Variants in MED28 observed in about 807,000 individuals in gnomAD.
MED28 encodes mediator of RNA polymerase II transcription subunit 28.
In MED28, 26 loss-of-function variants were observed where a neutral mutation model predicts 21.3. The ratio of observed to expected loss-of-function variants is 1.22; its 90% confidence interval spans 0.89 to 1.69. The LOEUF (loss-of-function observed/expected upper bound fraction) is 1.69. Among genes scored for constraint, MED28 ranks in the 40% most tolerant of loss-of-function variants. The pLI is 0.00. For missense variants in MED28, 257 were observed against 215.4 expected (o/e 1.19, Z -1.21); for synonymous variants, 110 against 87.6 (o/e 1.26, Z -1.43).
At position 17,623,990 on chromosome 4, in the gene MED28, T is replaced by G. The variant is rs2108918813; in HGVS notation, c.*192T>G. ...TTTCTTGAGTACTTTATAACATGTC[T>G]GTAGCTTGGATAAACCAAGTAAGTA... On this transcript the variant is annotated 3_prime_UTR_variant, in exon 4 of 4. Transcript: ENST00000237380. 2 of 624,402 alleles carry G rather than the reference T, an allele frequency of 3.2e-6. No individual in the cohort carries two copies. The highest frequency in any genetic ancestry group is 6.1e-5 in the Admixed American group (2 of 33,050). The allele number at this position is 624,402 out of a possible 1,614,324, so 38.7% of individuals were successfully genotyped here.
At chr4:17,619,837 C>T in intron 1 of MED28, 64 bp from the exon 2 acceptor site, 4 of 1,455,892 alleles carry the variant, frequency 2.7e-6, no homozygotes, top group Non-Finnish European at 3.9e-6. Context: ...TTATTTCTTC[C>T]TCTGGAGTAA....
In MED28 at chr4:17,619,930, C is replaced by T. The variant is rs139948101; in HGVS notation, c.189C>T (p.Asp63=). Residue 63 remains aspartate (D), a synonymous_variant, in exon 2 of 4, where the codon GAC becomes GAT. Coordinates refer to ENST00000237380, the MANE Select transcript of MED28 (RefSeq NM_025205.5). ...EACFASLVSQ[D]YVNGTDQEEI... ...GCTTTGCATCTCTGGTGAGTCAGGA[C>T]TATGTCAATGGCACCGATCAGGAAG... 1.2e-5 allele frequency: 19 copies of T among 1,614,152 alleles called. No homozygotes were observed. In the African/African-American group the frequency reaches 2.4e-4, roughly 20 times the overall value.
At position 17,628,280 on chromosome 4, in the gene MED28, G is replaced by GTGTGTGTGTGTGTGTGTGTGTGTA. The variant is rs1410894997; in HGVS notation, c.*4493_*4494insGTGTGTGTGTGTATGTGTGTGTGT. ...CGTGTGTGTGTGTGTGTGTGTGTGT[G>GTGTGTGTGTGTGTGTGTGTGTGTA]TGTGTGTGTGTATGTGTATATGCGT... On this transcript the variant is annotated 3_prime_UTR_variant, in exon 4 of 4. Transcript: ENST00000237380. 9 of 151,446 alleles carry GTGTGTGTGTGTGTGTGTGTGTGTA rather than the reference G, an allele frequency of 5.9e-5. No individual in the cohort carries two copies. The highest frequency in any genetic ancestry group is 2.2e-4 in the African/African-American group (9 of 40,790). The allele number at this position is 151,446 out of a possible 1,614,324, so 9.4% of individuals were successfully genotyped here. A position where few individuals can be genotyped will look rare whatever the true frequency, so the allele number is the denominator to read the frequency against.
Position 17,621,637 on chromosome 4 carries a change from T to TG in MED28, c.278dup (p.Cys93TrpfsTer29). 1.2e-6 allele frequency: 2 copies of TG among 1,611,336 alleles called. No homozygotes were observed. Among genetic ancestry groups the TG allele is most frequent in the Non-Finnish European group, 1.7e-6 (2 of 1,179,454 alleles). On this transcript the variant is annotated frameshift_variant, in exon 3 of 4. Coordinates refer to ENST00000237380, the MANE Select transcript of MED28 (RefSeq NM_025205.5). LOFTEE classifies it high-confidence loss of function. ...TCTGGATATTGCAAGACAGACAGAA[T>TG]GTTTTTTCTTACAAAAAAGATTGCA...
rs1387461152 is a variant in MED28 at position 17,629,646 on chromosome 4, C to G, written c.*5848C>G. 6.6e-6 allele frequency: 1 copy of G among 152,104 alleles called. No individual in the cohort carries two copies. Among genetic ancestry groups the G allele is most frequent in the Non-Finnish European group, 1.5e-5 (1 of 68,018 alleles). 9.4% of individuals were successfully genotyped at this position (152,104 alleles called of 1,614,324 possible). A position where few individuals can be genotyped will look rare whatever the true frequency, so the allele number is the denominator to read the frequency against. ...ATTTACCATTAAATACTGTTTTTTT[C>G]TCTCTCTTAACTTAATCCCGAATTG... On this transcript the variant is annotated 3_prime_UTR_variant, in exon 4 of 4. Coordinates refer to ENST00000237380, the MANE Select transcript of MED28 (RefSeq NM_025205.5).
chr4:17,622,006 T>C (rs1161822295), intron 3 of MED28, among the ~76,000 whole-genome samples: 1 of 152,214 alleles, frequency 6.6e-6, no homozygotes, highest in Non-Finnish European at 1.5e-5. Context: ...GCCACTAACA[T>C]ATAGGCTTGT....
chr4:17,614,776 G>A lies in MED28; in HGVS notation c.122G>A (p.Ser41Asn), dbSNP rs767689102. 6.2e-7 allele frequency: 1 copy of A among 1,613,758 alleles called. No individual in the cohort carries two copies. The highest frequency in any genetic ancestry group is 1.1e-5 in the South Asian group (1 of 91,072). Residue 41 changes from serine (S) to asparagine (N), a missense_variant, in exon 1 of 4, where the codon AGC (serine) becomes AAC (asparagine). Ser to Asn is a conservative substitution (Grantham distance 46). Transcript: ENST00000237380. Reference protein sequence around the residue: ...QAAPGAPRPSSSTLVDELESS... With the variant: ...QAAPGAPRPSNSTLVDELESS... Reference sequence around the variant, plus strand: ...GCTCCAGGCGCTCCTAGACCTTCCAGCAGTACTTTGGTGGACGAGTTGGAG... The same window carrying A: ...GCTCCAGGCGCTCCTAGACCTTCCAACAGTACTTTGGTGGACGAGTTGGAG...
In MED28 at chr4:17,630,473, GC is replaced by G. The variant is rs979179608; in HGVS notation, c.*6678del. 1.1e-4 allele frequency: 16 copies of G among 152,254 alleles called. No individual in the cohort carries two copies. The highest frequency in any genetic ancestry group is 3.4e-4 in the African/African-American group (14 of 41,550). 9.4% of individuals were successfully genotyped at this position (152,254 alleles called of 1,614,324 possible). Reference sequence around the variant, plus strand: ...GCAGGCACCCATTTCTGAAGAATGGGCCCTCCCCAGACTCCATATCTGCTGG... The same window carrying G: ...GCAGGCACCCATTTCTGAAGAATGGGCCTCCCCAGACTCCATATCTGCTGG... On this transcript the variant is annotated 3_prime_UTR_variant, in exon 4 of 4. Transcript: ENST00000237380.
In MED28 at chr4:17,633,840, G is replaced by C; in HGVS notation, c.*10042G>C. The C allele has an allele frequency of 6.4e-7, 1 of 1,551,368 alleles. No individual in the cohort carries two copies. The highest frequency in any genetic ancestry group is 8.7e-7 in the Non-Finnish European group (1 of 1,146,910). On this transcript the variant is annotated 3_prime_UTR_variant, in exon 4 of 4. Coordinates refer to ENST00000237380, the MANE Select transcript of MED28 (RefSeq NM_025205.5). ...AGAAAGTTCTTTGCATAGGAGGCGA[G>C]GTTCGGCACGCTGACCACGCGGCTG...
Position 17,630,334 on chromosome 4 carries a change from G to A in MED28, c.*6536G>A, listed in dbSNP as rs1714886895. On this transcript the variant is annotated 3_prime_UTR_variant, in exon 4 of 4. Transcript: ENST00000237380. ...CAATGTAATAGTATTAAGAGGTGGG[G>A]CTTTTGGGAAGCAATGGAGTCATGA... The A allele has an allele frequency of 6.6e-6, 1 of 152,156 alleles. No individual in the cohort carries two copies. The highest frequency in any genetic ancestry group is 2.1e-4 in the South Asian group (1 of 4,820). The allele number at this position is 152,156 out of a possible 1,614,324, so 9.4% of individuals were successfully genotyped here.
At chr4:17,620,692 CTTTT>C (rs146604205) in intron 2 of MED28, among the ~76,000 whole-genome samples, 95 of 108,834 alleles carry the variant, frequency 8.7e-4, no homozygotes, top group East Asian at 2.0e-3. Flanking sequence ...TGCATTGTCT[CTTTT>C]TTTTTTTTTT....
rs1714713264 is a variant in MED28 at position 17,624,145 on chromosome 4, T to G, written c.*347T>G. ...TTTATGTGTGTTTCCTGTAGTTTGA[T>G]CCGAAGGAAAAGAGTATAGTAGCCT... On this transcript the variant is annotated 3_prime_UTR_variant, in exon 4 of 4. Transcript: ENST00000237380. 1 of 280,882 alleles carries G rather than the reference T, an allele frequency of 3.6e-6. No homozygotes were observed. Among genetic ancestry groups the G allele is most frequent in the Non-Finnish European group, 6.9e-6 (1 of 144,820 alleles). The allele number at this position is 280,882 out of a possible 1,614,324, so 17.4% of individuals were successfully genotyped here.
chr4:17,616,185 G>A (rs1273729741), intron 1 of MED28, among the ~76,000 whole-genome samples: 1 of 152,170 alleles, frequency 6.6e-6, no homozygotes, highest in African/African-American at 2.4e-5. Flanking sequence ...TCGAACTCCT[G>A]ACCTCGTGAT....
chr4:17,621,729 T>C, intron 3 of MED28, 30 bp downstream of exon 3: 2 of 1,394,700 alleles, frequency 1.4e-6, no homozygotes, highest in Non-Finnish European at 2.0e-6. Context: ...CTCAGCTCTA[T>C]AGGAAGAACT....
intron 2 of MED28, among the ~76,000 whole-genome samples, chr4:17,620,354 G>GTTT (rs34093588): frequency 0.098 from 13,786 of 141,168 alleles, 809 homozygotes; most frequent in Non-Finnish European, 0.13. Flanking sequence ...TATTTTACAT[G>GTTT]TTTTTTTTTT....
intron 1 of MED28, among the ~76,000 whole-genome samples, chr4:17,619,319 C>G (rs1361749933): frequency 6.6e-6 from 1 of 152,208 alleles, no homozygotes; most frequent in Non-Finnish European, 1.5e-5. Flanking sequence ...AAACACTTCC[C>G]TTGTGCCAAG....
chr4:17,618,621 A>G (rs377201621), intron 1 of MED28, among the ~76,000 whole-genome samples: 14 of 152,042 alleles, frequency 9.2e-5, no homozygotes, highest in South Asian at 6.2e-4. Context: ...GGTTCAAGCA[A>G]TTCTCCTGCC....
chr4:17,632,553 G>T lies in MED28; in HGVS notation c.*8755G>T. ...TAGCTTAGAAAGAAAAGTACTTGGT[G>T]AACCATTCCTGGTGCGGAGAGCCCT... On this transcript the variant is annotated 3_prime_UTR_variant, in exon 4 of 4. Coordinates refer to ENST00000237380, the MANE Select transcript of MED28 (RefSeq NM_025205.5). 1 of 1,551,280 alleles carries T rather than the reference G, an allele frequency of 6.4e-7. No homozygotes were observed. Among genetic ancestry groups the T allele is most frequent in the South Asian group, 1.2e-5 (1 of 84,022 alleles).
Position 17,630,912 on chromosome 4 carries a change from A to G in MED28, c.*7114A>G, listed in dbSNP as rs1034377067. 1.2e-4 allele frequency: 18 copies of G among 152,216 alleles called. No homozygotes were observed. The highest frequency in any genetic ancestry group is 2.1e-4 in the Non-Finnish European group (14 of 68,046). The allele number at this position is 152,216 out of a possible 1,614,324, so 9.4% of individuals were successfully genotyped here. Reference sequence around the variant, plus strand: ...ACCATTTTTATTGCCCAGTTATTCAAAGTTTTATTCAAAGAGCAAAGATTT... The same window carrying G: ...ACCATTTTTATTGCCCAGTTATTCAGAGTTTTATTCAAAGAGCAAAGATTT... On this transcript the variant is annotated 3_prime_UTR_variant, in exon 4 of 4. Transcript: ENST00000237380.
Sources: gnomAD v4.1 joint callset for allele counts (sites outside exome capture counted in the v4.1 genomes callset) on GRCh38, gnomAD v4.1.1 for gene constraint, MANE v1.5 for transcripts, NCBI Gene and HGNC (gene_info 2026-07-23, HGNC 2026-07-21) for gene names.